Variants in LYPLAL1 observed in about 807,000 individuals in gnomAD.
LYPLAL1 encodes lysophospholipase like 1, also known as lysophospholipase-like protein 1.
Under a neutral mutation model 19.7 loss-of-function variants are expected in LYPLAL1, and 23 were observed. The observed-to-expected ratio is 1.17, with a 90% CI of 0.84 to 1.65. LYPLAL1 has a LOEUF of 1.65. Among genes scored for constraint, LYPLAL1 ranks in the 40% most tolerant of loss-of-function variants. The probability of loss-of-function intolerance (pLI) is 0.00; values close to 1 mark genes in which losing one functional copy is unlikely to be tolerated. For synonymous variants in LYPLAL1, 119 were observed against 96.3 expected (o/e 1.24, Z -1.38); for missense variants, 355 against 279.4 (o/e 1.27, Z -1.93).
chr1:219,420,485 C>G, the LYPLAL1 span, among the ~76,000 whole-genome samples: 1 of 152,098 alleles, frequency 6.6e-6, no homozygotes, highest in Non-Finnish European at 1.5e-5. Flanking sequence ...GGAAGCTGTC[C>G]TTGGAAAGTA....
At chr1:219,284,781 G>A in the LYPLAL1 span, among the ~76,000 whole-genome samples, 1 of 152,182 alleles carries the variant, frequency 6.6e-6, no homozygotes, top group Non-Finnish European at 1.5e-5. Flanking sequence ...GGAGAGTTGG[G>A]GCTGGCTCCC....
the LYPLAL1 span, among the ~76,000 whole-genome samples, chr1:219,400,091 C>T: frequency 6.6e-6 from 1 of 152,154 alleles, no homozygotes; most frequent in Non-Finnish European, 1.5e-5. Context: ...CCCAGAGTCA[C>T]TGGGGACCAG....
At chr1:219,418,500 A>G in the LYPLAL1 span, among the ~76,000 whole-genome samples, 1 of 152,194 alleles carries the variant, frequency 6.6e-6, no homozygotes, top group Admixed American at 6.5e-5. Context: ...TTTTTAGAGC[A>G]GTGTTGGGTT....
chr1:219,180,187 G>C (rs1032318634), intron 2 of LYPLAL1, among the ~76,000 whole-genome samples: 2 of 152,090 alleles, frequency 1.3e-5, no homozygotes, highest in Non-Finnish European at 2.9e-5. Context: ...GTTTTGCCAT[G>C]TTGGCTAGGC....
At chr1:219,194,410 ATTTTTTAAGTCCCCACT>A (rs1657442072) in intron 3 of LYPLAL1, among the ~76,000 whole-genome samples, 1 of 151,918 alleles carries the variant, frequency 6.6e-6, no homozygotes, top group South Asian at 2.1e-4. Context: ...TTTAGCAAGT[ATTTTTTAAGTCCCCACT>A]ATGTGCTACG....
chr1:219,320,158 T>A, the LYPLAL1 span, among the ~76,000 whole-genome samples: 1 of 152,206 alleles, frequency 6.6e-6, no homozygotes, highest in African/African-American at 2.4e-5. Flanking sequence ...TCTATCTCCA[T>A]TCTCCGTCCC....
At chr1:219,432,099 T>C in the LYPLAL1 span, among the ~76,000 whole-genome samples, 1 of 152,184 alleles carries the variant, frequency 6.6e-6, no homozygotes, top group Admixed American at 6.6e-5. Context: ...TCCAGACATC[T>C]CTTTCCTGGG....
chr1:219,431,203 G>A, the LYPLAL1 span, among the ~76,000 whole-genome samples: 1 of 152,096 alleles, frequency 6.6e-6, no homozygotes, highest in South Asian at 2.1e-4. Context: ...GGGTGTGTGG[G>A]GAAGGGCTTT....
At chr1:219,219,237 G>A in the LYPLAL1 span, among the ~76,000 whole-genome samples, 2 of 152,116 alleles carry the variant, frequency 1.3e-5, no homozygotes, top group Admixed American at 6.6e-5. Context: ...TAGGGATCAT[G>A]GGCCCTCAGA....
the LYPLAL1 span, among the ~76,000 whole-genome samples, chr1:219,406,071 C>A: frequency 1.3e-5 from 2 of 152,222 alleles, no homozygotes; most frequent in Admixed American, 1.3e-4. Flanking sequence ...CAAGTGCCAA[C>A]TGCAACCCAA....
the LYPLAL1 span, among the ~76,000 whole-genome samples, chr1:219,339,140 G>A: frequency 6.6e-6 from 1 of 151,786 alleles, no homozygotes; most frequent in Non-Finnish European, 1.5e-5. Context: ...GGTCATCCAC[G>A]CTACCATGAA....
the LYPLAL1 span, among the ~76,000 whole-genome samples, chr1:219,244,752 A>G: frequency 1.3e-5 from 2 of 151,798 alleles, no homozygotes; most frequent in East Asian, 1.9e-4. Context: ...CGGAGACCAG[A>G]CTGGCCAACA....
chr1:219,273,155 C>T, the LYPLAL1 span: 6 of 152,150 alleles, frequency 3.9e-5, no homozygotes, highest in African/African-American at 1.4e-4. Flanking sequence ...ATATTTTGCT[C>T]TCCACATGAG....
chr1:219,264,762 C>T, the LYPLAL1 span, among the ~76,000 whole-genome samples: 1 of 152,120 alleles, frequency 6.6e-6, no homozygotes, highest in Admixed American at 6.5e-5. Context: ...TGTGTGAGCT[C>T]CAGGAGGGAG....
the LYPLAL1 span, among the ~76,000 whole-genome samples, chr1:219,373,874 A>AAC: frequency 0.33 from 12,553 of 38,358 alleles, 573 homozygotes; most frequent in East Asian, 0.48. Context: ...AAAAAAAAAA[A>AAC]AAAAAAACAA....
chr1:219,339,071 C>T, the LYPLAL1 span, among the ~76,000 whole-genome samples: 3 of 151,880 alleles, frequency 2.0e-5, no homozygotes, highest in African/African-American at 4.8e-5. Context: ...ACTCATACCA[C>T]GTCTGGCCCT....
chr1:219,420,899 A>G, the LYPLAL1 span, among the ~76,000 whole-genome samples: 2 of 152,196 alleles, frequency 1.3e-5, no homozygotes, highest in Admixed American at 6.5e-5. Context: ...TGCTCTTTCA[A>G]AACAGTAATT....
the LYPLAL1 span, among the ~76,000 whole-genome samples, chr1:219,432,419 T>G: frequency 6.6e-6 from 1 of 150,496 alleles, no homozygotes; most frequent in Admixed American, 6.6e-5. Flanking sequence ...AAAACATCTT[T>G]GAATAGGATC....
the LYPLAL1 span, among the ~76,000 whole-genome samples, chr1:219,335,490 A>T: frequency 1.1e-4 from 16 of 152,088 alleles, no homozygotes; most frequent in East Asian, 2.9e-3. Context: ...AAACATTAGA[A>T]TTTATAAGAA....
Sources: allele counts gnomAD v4.1 joint callset (sites outside exome capture counted in the v4.1 genomes callset), GRCh38; gene constraint gnomAD v4.1.1; transcripts MANE v1.5; gene names NCBI Gene and HGNC (gene_info 2026-07-23, HGNC 2026-07-21).